Variants in SRGAP3 observed in about 807,000 individuals in gnomAD.
SRGAP3 encodes SLIT-ROBO Rho GTPase activating protein 3.
In SRGAP3, 39 loss-of-function variants were observed where a neutral mutation model predicts 121.1. The ratio of observed to expected loss-of-function variants is 0.32; its 90% CI spans 0.25 to 0.42. The LOEUF is 0.42. Among genes scored for constraint, SRGAP3 ranks in the 10% least tolerant of loss-of-function variants. The pLI is 1.00. For synonymous variants in SRGAP3, 601 were observed against 570.0 expected (o/e 1.05, Z -0.77); for missense variants, 1,213 against 1,470.6 (o/e 0.82, Z 2.86).
At chr3:9,181,339 C>T (rs1040274503) in intron 1 of SRGAP3, among the ~76,000 whole-genome samples, 3 of 152,186 alleles carry the variant, frequency 2.0e-5, no homozygotes, top group African/African-American at 2.4e-5. Context: ...TAATCGTTTT[C>T]TCTTGCTGGT....
intron 1 of SRGAP3, among the ~76,000 whole-genome samples, chr3:9,170,609 G>A (rs937609533): frequency 4.6e-5 from 7 of 152,144 alleles, no homozygotes; most frequent in Non-Finnish European, 8.8e-5. Flanking sequence ...GGACATTCCC[G>A]GTGGTTCTGA....
At chr3:9,087,633 G>T (rs1357931997) in intron 3 of SRGAP3, among the ~76,000 whole-genome samples, 1 of 152,210 alleles carries the variant, frequency 6.6e-6, no homozygotes, top group African/African-American at 2.4e-5. Context: ...ACTGGTTCAT[G>T]AAGAGAGAAG....
chr3:9,075,144 A>G (rs1354524728), intron 4 of SRGAP3, among the ~76,000 whole-genome samples: 1 of 152,230 alleles, frequency 6.6e-6, no homozygotes, highest in Admixed American at 6.5e-5. Flanking sequence ...TGCCTCTTCT[A>G]GAAGGATTGC....
At chr3:9,254,906 G>A (rs1478133233) in intron 3 of SRGAP3, among the ~76,000 whole-genome samples, 1 of 142,320 alleles carries the variant, frequency 7.0e-6, no homozygotes, top group East Asian at 2.0e-4. Context: ...AAGGAAGGAA[G>A]GAAGGGAGGG....
chr3:9,289,491 C>T (rs542985067), intron 3 of SRGAP3, among the ~76,000 whole-genome samples: 2 of 152,198 alleles, frequency 1.3e-5, no homozygotes, highest in Non-Finnish European at 2.9e-5. Flanking sequence ...ATCTTAAGAA[C>T]ACTACTAGTC....
At chr3:9,076,464 C>T (rs12485435) in intron 4 of SRGAP3, among the ~76,000 whole-genome samples, 2 of 152,086 alleles carry the variant, frequency 1.3e-5, no homozygotes, top group Admixed American at 6.5e-5. Flanking sequence ...GGAGAGCCAA[C>T]GAGGTTAATT....
At chr3:8,995,035 C>A (rs1574865878) in intron 18 of SRGAP3, among the ~76,000 whole-genome samples, 2 of 152,146 alleles carry the variant, frequency 1.3e-5, no homozygotes, top group East Asian at 3.9e-4. Context: ...AAGGACTGAA[C>A]TGTGTCTGCC....
At chr3:9,069,166 CAG>C (rs539657510) in intron 4 of SRGAP3, among the ~76,000 whole-genome samples, 1 of 152,266 alleles carries the variant, frequency 6.6e-6, no homozygotes, top group African/African-American at 2.4e-5. Context: ...AACTGTAAAA[CAG>C]GGGTGAAAGG....
Position 8,981,535 on chromosome 3 carries a change from A to T in SRGAP3, c.*3984T>A, listed in dbSNP as rs341792. On this transcript the variant is annotated 3_prime_UTR_variant, in exon 22 of 22. Transcript: ENST00000383836. The stretch of plus-strand genomic sequence containing the variant: ...TCCATTAGCTGTGGACATGCACTGA[A>T]TGCCACATCACGACCAGGTCACGAG... 4.3e-6 allele frequency: 1 copy of T among 232,474 alleles called. No homozygotes were observed. 14.4% of individuals were successfully genotyped at this position (232,474 alleles called of 1,614,324 possible). A position where few individuals can be genotyped will look rare whatever the true frequency, so the allele number is the denominator to read the frequency against.
intron 1 of SRGAP3, among the ~76,000 whole-genome samples, chr3:9,222,336 T>C (rs778415158): frequency 2.0e-5 from 3 of 152,214 alleles, no homozygotes; most frequent in Non-Finnish European, 2.9e-5. Flanking sequence ...GGAAGTGTAC[T>C]ACCGATTCGT....
chr3:9,200,121 T>C (rs933180706), intron 1 of SRGAP3, among the ~76,000 whole-genome samples: 2 of 152,122 alleles, frequency 1.3e-5, no homozygotes, highest in South Asian at 2.1e-4. Flanking sequence ...GAGGGGAGCA[T>C]AGCTACAGCC....
At chr3:9,208,245 T>C (rs969259376) in intron 1 of SRGAP3, among the ~76,000 whole-genome samples, 2 of 151,576 alleles carry the variant, frequency 1.3e-5, no homozygotes, top group Non-Finnish European at 2.9e-5. Context: ...TCTCCAGTCC[T>C]AGTCAGTCTA....
At chr3:9,055,389 C>T (rs1165855836) in intron 8 of SRGAP3, among the ~76,000 whole-genome samples, 1 of 152,182 alleles carries the variant, frequency 6.6e-6, no homozygotes, top group East Asian at 1.9e-4. Flanking sequence ...ATCCTGGTGT[C>T]CTTTCTCCAG....
At chr3:9,312,256 G>A (rs1250518089) in intron 3 of SRGAP3, among the ~76,000 whole-genome samples, 2 of 152,294 alleles carry the variant, frequency 1.3e-5, no homozygotes, top group African/African-American at 4.8e-5. Flanking sequence ...CTGGGTTCAA[G>A]TGATTCTCCC....
chr3:8,994,018 G>A, intron 19 of SRGAP3: 2 of 406,998 alleles, frequency 4.9e-6, no homozygotes, highest in South Asian at 4.7e-5. Flanking sequence ...GGAGGCCTAG[G>A]AGGTGGAGGC....
chr3:8,985,828 G>C lies in SRGAP3; in HGVS notation c.2991C>G (p.Pro997=). The C allele has an allele frequency of 6.2e-7, 1 of 1,600,524 alleles. No homozygotes were observed. The highest frequency in any genetic ancestry group is 8.5e-7 in the Non-Finnish European group (1 of 1,179,928). The change falls in exon 22 of 22, where the codon CCC becomes CCG. Residue 997 remains proline, a synonymous_variant. Transcript: ENST00000383836. The surrounding 1 kb of genome is among the most constrained non-coding windows in gnomAD (Gnocchi z 5.1). ...APDVVLDTLE[P]LKNPPGPVSS... ...TGACGGGGCCTGGCGGGTTCTTCAG[G>C]GGCTCCAGGGTGTCCAGCACCACAT...
At position 9,047,395 on chromosome 3, in the gene SRGAP3, G is replaced by A. The variant is rs781361464; in HGVS notation, c.1404C>T (p.Gly468=). 4 of 1,614,110 alleles carry A rather than the reference G, an allele frequency of 2.5e-6. No individual in the cohort carries two copies. The highest frequency in any genetic ancestry group is 3.4e-6 in the Non-Finnish European group (4 of 1,180,014). ...AKHDLLKQTL[G]EGERAECGTT... ...GGCCTCCACCAGCCCACTCACCTTC[G>A]CCCAGGGTCTGCTTGAGTAAATCGT... Residue 468 remains glycine, a synonymous_variant, in exon 10 of 22, where the codon GGC becomes GGT. Transcript: ENST00000383836.
chr3:9,282,178 T>G (rs567956396), intron 3 of SRGAP3, among the ~76,000 whole-genome samples: 1 of 152,238 alleles, frequency 6.6e-6, no homozygotes, highest in Non-Finnish European at 1.5e-5. Flanking sequence ...TTAAATATTA[T>G]TGAAGACTCC....
intron 21 of SRGAP3, among the ~76,000 whole-genome samples, chr3:8,987,006 A>C (rs1161858429): frequency 6.6e-6 from 1 of 152,246 alleles, no homozygotes; most frequent in African/African-American, 2.4e-5. Flanking sequence ...GACAGGCCAC[A>C]GGGCCCCGGA....
Sources: allele counts gnomAD v4.1 joint callset (sites outside exome capture counted in the v4.1 genomes callset), GRCh38; gene constraint gnomAD v4.1.1; non-coding constraint Gnocchi (gnomAD v3.1); transcripts MANE v1.5; gene names NCBI Gene and HGNC (gene_info 2026-07-23, HGNC 2026-07-21).